The following RREB1 variants were observed in gnomAD, a reference collection of about 807,000 sequenced individuals.
RREB1 encodes ras-responsive element-binding protein 1.
A neutral mutation model predicts 117.8 loss-of-function variants in RREB1; 27 were observed. The observed-to-expected ratio is 0.23, with a 90% confidence interval of 0.17 to 0.32. The LOEUF is 0.32. RREB1 is among the 10% of genes least tolerant of loss of function. The pLI is 1.00. For missense variants in RREB1, 2,577 were observed against 2,378.2 expected, an observed-to-expected ratio of 1.08 and a Z score of -1.74; for synonymous variants, 1,298 against 1,026.7, an observed-to-expected ratio of 1.26 and a Z score of -5.05.
intron 4 of RREB1, chr6:7,183,815 A>G (rs981728701): frequency 1.3e-5 from 2 of 152,222 alleles, no homozygotes; most frequent in Non-Finnish European, 2.9e-5. Context: ...AGTATGGGGA[A>G]GAAGGAAGCA....
chr6:7,237,441 T>C (rs1348472396), intron 10 of RREB1, among the ~76,000 whole-genome samples: 1 of 151,964 alleles, frequency 6.6e-6, no homozygotes, highest in Non-Finnish European at 1.5e-5. Context: ...TTGCCCAAGT[T>C]GGTCTTAAAC....
chr6:7,142,782 T>C (rs1169591348), intron 1 of RREB1, among the ~76,000 whole-genome samples: 1 of 152,106 alleles, frequency 6.6e-6, no homozygotes, highest in Non-Finnish European at 1.5e-5. Context: ...TGGCACCCCC[T>C]CTTTCCACTT....
chr6:7,157,901 G>C (rs1364047984), intron 1 of RREB1, among the ~76,000 whole-genome samples: 2 of 152,030 alleles, frequency 1.3e-5, no homozygotes, highest in Non-Finnish European at 2.9e-5. Flanking sequence ...CTGGATTCCT[G>C]CCTCCTGGGG....
At chr6:7,128,689 C>G (rs1762033694) in intron 1 of RREB1, among the ~76,000 whole-genome samples, 1 of 152,074 alleles carries the variant, frequency 6.6e-6, no homozygotes, top group Non-Finnish European at 1.5e-5. Context: ...TGTCTTGGGG[C>G]CGGGCGTGGT....
At chr6:7,146,469 C>G (rs753793637) in intron 1 of RREB1, among the ~76,000 whole-genome samples, 1 of 152,034 alleles carries the variant, frequency 6.6e-6, no homozygotes, top group East Asian at 1.9e-4. Flanking sequence ...CACTGCAACT[C>G]GGTGCCAGCA....
chr6:7,189,510 G>T (rs1459942768), intron 6 of RREB1, among the ~76,000 whole-genome samples, 188 bp downstream of exon 6: 2 of 152,144 alleles, frequency 1.3e-5, no homozygotes, highest in African/African-American at 2.4e-5. Flanking sequence ...CCTTGGCAAG[G>T]TCTGTGGCCC....
intron 1 of RREB1, among the ~76,000 whole-genome samples, chr6:7,161,998 G>A (rs1763690935): frequency 6.6e-6 from 1 of 152,156 alleles, no homozygotes; most frequent in South Asian, 2.1e-4. Flanking sequence ...AGAGCAACAG[G>A]ATAAAGTTCA....
chr6:7,220,106 T>C (rs1441947942), intron 8 of RREB1, among the ~76,000 whole-genome samples: 1 of 152,236 alleles, frequency 6.6e-6, no homozygotes, highest in South Asian at 2.1e-4. Context: ...GCAGCCCCAC[T>C]GGAGGCAGGA....
chr6:7,131,339 C>A (rs1403871500), intron 1 of RREB1, among the ~76,000 whole-genome samples: 1 of 152,166 alleles, frequency 6.6e-6, no homozygotes, highest in Non-Finnish European at 1.5e-5. Context: ...GTATAATTAT[C>A]CTCATTTTGC....
intron 11 of RREB1, 58 bp from the exon 12 acceptor site, chr6:7,246,366 G>T: frequency 7.2e-7 from 1 of 1,397,970 alleles, no homozygotes; most frequent in Admixed American, 2.9e-5. Context: ...CGACATCCCT[G>T]GCATGGGCGT....
At chr6:7,164,310 C>T (rs952822591) in intron 1 of RREB1, among the ~76,000 whole-genome samples, 6 of 152,130 alleles carry the variant, frequency 3.9e-5, no homozygotes, top group Non-Finnish European at 1.5e-5. Flanking sequence ...TTTCCCCCAC[C>T]CGGTTCTCTT....
chr6:7,165,557 T>G (rs553920358), intron 1 of RREB1, among the ~76,000 whole-genome samples: 2 of 151,710 alleles, frequency 1.3e-5, no homozygotes, highest in African/African-American at 4.9e-5. Flanking sequence ...ATTGAGAATG[T>G]TCCCATTACA....
intron 1 of RREB1, among the ~76,000 whole-genome samples, chr6:7,165,153 G>T (rs9505053): frequency 6.6e-6 from 1 of 152,122 alleles, no homozygotes; most frequent in African/African-American, 2.4e-5. Context: ...ATGGATGCCG[G>T]GTAGGTGTTG....
At chr6:7,210,742 A>G in intron 6 of RREB1, 62 bp from the exon 7 acceptor site, 1 of 1,483,784 alleles carries the variant, frequency 6.7e-7, no homozygotes, top group Non-Finnish European at 9.1e-7. Flanking sequence ...ATAAAATATT[A>G]AAAACATAAA....
At chr6:7,178,940 A>G (rs1395990254) in intron 2 of RREB1, among the ~76,000 whole-genome samples, 1 of 152,198 alleles carries the variant, frequency 6.6e-6, no homozygotes, top group South Asian at 2.1e-4. Flanking sequence ...AGCTTTTGCA[A>G]TTTTCAGCCC....
chr6:7,208,769 T>G (rs1168628991), intron 6 of RREB1, among the ~76,000 whole-genome samples: 1 of 152,252 alleles, frequency 6.6e-6, no homozygotes, highest in East Asian at 1.9e-4. Flanking sequence ...CTCTTCACTT[T>G]GGTAGTAACT....
intron 6 of RREB1, among the ~76,000 whole-genome samples, chr6:7,204,639 G>C (rs1766169898): frequency 6.6e-6 from 1 of 152,180 alleles, no homozygotes; most frequent in Non-Finnish European, 1.5e-5. Context: ...CCTGGGCCGT[G>C]CTGTGTGTGC....
chr6:7,153,712 C>G (rs1763234529), intron 1 of RREB1, among the ~76,000 whole-genome samples: 1 of 152,146 alleles, frequency 6.6e-6, no homozygotes, highest in Non-Finnish European at 1.5e-5. Flanking sequence ...TGGGCATCCT[C>G]TTTATAATGA....
chr6:7,139,717 T>G (rs1158028675), intron 1 of RREB1, among the ~76,000 whole-genome samples: 2 of 152,218 alleles, frequency 1.3e-5, no homozygotes, highest in African/African-American at 4.8e-5. Flanking sequence ...TTCAGGTATA[T>G]TTGTGTTCAA....
Sources: gnomAD v4.1 joint callset for allele counts (sites outside exome capture counted in the v4.1 genomes callset) on GRCh38, gnomAD v4.1.1 for gene constraint, MANE v1.5 for transcripts, NCBI Gene and HGNC (gene_info 2026-07-23, HGNC 2026-07-21) for gene names.